Variants in DCT observed in about 807,000 individuals in gnomAD.
DCT encodes the protein L-dopachrome tautomerase.
In DCT, 47 loss-of-function variants were observed where a neutral mutation model predicts 53.0. The ratio of observed to expected loss-of-function variants is 0.89; its 90% CI spans 0.70 to 1.13. The LOEUF (loss-of-function observed/expected upper bound fraction) is 1.13, where lower values mean the gene tolerates loss of function less well. DCT is among the 50% of genes most tolerant of loss of function. The pLI is 0.00. For synonymous variants in DCT, 244 were observed against 237.0 expected (o/e 1.03, Z -0.27); for missense variants, 669 against 637.4 (o/e 1.05, Z -0.53).
chr13:94,508,638 G>A, the DCT span, among the ~76,000 whole-genome samples: 1,465 of 152,306 alleles, frequency 9.6e-3, 22 homozygotes, highest in African/African-American at 0.033. Flanking sequence ...GAATATGAAA[G>A]ACAGTTTTTT....
At chr13:94,533,766 C>T in the DCT span, among the ~76,000 whole-genome samples, 3 of 152,066 alleles carry the variant, frequency 2.0e-5, no homozygotes, top group Admixed American at 6.6e-5. Context: ...GGCAACAGAG[C>T]AAGACTCTGC....
intron 6 of DCT, among the ~76,000 whole-genome samples, chr13:94,451,852 T>C (rs1374651715): frequency 2.6e-5 from 4 of 152,168 alleles, no homozygotes; most frequent in Non-Finnish European, 5.9e-5. Flanking sequence ...AAAGAAAATG[T>C]TGTATTTTGT....
intron 3 of DCT, 90 bp from the exon 4 acceptor site, chr13:94,465,889 C>T (rs1318082281): frequency 1.1e-6 from 1 of 926,956 alleles, no homozygotes; most frequent in Admixed American, 2.9e-5. Flanking sequence ...TGTATCTGAA[C>T]CAAATATCTA....
chr13:94,444,374 T>G (rs776983652), intron 6 of DCT: 1 of 516,934 alleles, frequency 1.9e-6, no homozygotes, highest in Non-Finnish European at 3.9e-6. Flanking sequence ...AGGAATACTC[T>G]TCTGTCTACT....
intron 6 of DCT, among the ~76,000 whole-genome samples, chr13:94,449,396 G>A (rs572667216): frequency 4.3e-4 from 66 of 152,270 alleles, no homozygotes; most frequent in Middle Eastern, 3.4e-3. Context: ...ATATGAGGCC[G>A]GCTGCAAAGA....
Position 94,465,727 on chromosome 13 carries a change from A to C in DCT, c.769T>G (p.Cys257Gly), listed in dbSNP as rs1320325878. 6.2e-7 allele frequency: 1 copy of C among 1,613,286 alleles called. No homozygotes were observed. The highest frequency in any genetic ancestry group is 1.1e-5 in the South Asian group (1 of 91,024). Residue 257 changes from cysteine (C) to glycine (G), a missense_variant, in exon 4 of 8, where the codon TGT becomes GGT. Transcript: ENST00000377028. ...GCTGCCCCAAACAGCTGGTCTGTAC[A>C]CACATCACACTCGTTCCTCCCAGTG... Reference protein sequence around the residue: ...FATGRNECDVCTDQLFGAARP... With the variant: ...FATGRNECDVGTDQLFGAARP...
At chr13:94,455,086 A>G (rs1265432408) in intron 6 of DCT, among the ~76,000 whole-genome samples, 1 of 152,232 alleles carries the variant, frequency 6.6e-6, no homozygotes, top group Non-Finnish European at 1.5e-5. Flanking sequence ...AAATATGACT[A>G]AAGGGAAATC....
chr13:94,525,395 C>A, the DCT span, among the ~76,000 whole-genome samples: 1 of 152,264 alleles, frequency 6.6e-6, no homozygotes, highest in East Asian at 1.9e-4. Flanking sequence ...AGGCACCATG[C>A]GTGGCCAAGG....
At chr13:94,527,193 G>C in the DCT span, among the ~76,000 whole-genome samples, 1 of 152,216 alleles carries the variant, frequency 6.6e-6, no homozygotes, top group African/African-American at 2.4e-5. Flanking sequence ...TCCACCTCTA[G>C]GGGGAGGGCA....
the DCT span, among the ~76,000 whole-genome samples, chr13:94,542,571 T>A: frequency 6.6e-6 from 1 of 152,172 alleles, no homozygotes. Flanking sequence ...TTTCTTCTCT[T>A]AATTCTCATC....
At chr13:94,547,056 A>T in the DCT span, among the ~76,000 whole-genome samples, 1 of 151,944 alleles carries the variant, frequency 6.6e-6, no homozygotes, top group African/African-American at 2.4e-5. Context: ...AGGGCTCTTG[A>T]TCTCTCAATT....
chr13:94,486,636 A>G, the DCT span, among the ~76,000 whole-genome samples: 101 of 152,156 alleles, frequency 6.6e-4, no homozygotes, highest in Non-Finnish European at 1.1e-3. Flanking sequence ...AGGCTTCAGT[A>G]TCCAGGAAAG....
chr13:94,521,653 G>C, the DCT span, among the ~76,000 whole-genome samples: 168 of 152,252 alleles, frequency 1.1e-3, 1 homozygote, highest in African/African-American at 3.7e-3. Flanking sequence ...CTGGGCAACA[G>C]AGTGAGACTC....
chr13:94,530,797 A>G, the DCT span, among the ~76,000 whole-genome samples: 2 of 152,210 alleles, frequency 1.3e-5, no homozygotes, highest in Non-Finnish European at 2.9e-5. Flanking sequence ...CAGGGCAATC[A>G]GGCAGAAGAA....
intron 6 of DCT, among the ~76,000 whole-genome samples, chr13:94,453,188 T>C (rs1414662881): frequency 6.6e-6 from 1 of 152,124 alleles, no homozygotes; most frequent in Non-Finnish European, 1.5e-5. Context: ...GTACCTTATA[T>C]GCAAATATAA....
the DCT span, among the ~76,000 whole-genome samples, chr13:94,515,658 T>G: frequency 4.6e-5 from 7 of 152,112 alleles, no homozygotes; most frequent in Admixed American, 4.6e-4. Context: ...ACAGCTGCTG[T>G]TCAGAAAAAG....
chr13:94,450,081 G>C (rs1882979722), intron 6 of DCT, among the ~76,000 whole-genome samples: 2 of 152,162 alleles, frequency 1.3e-5, no homozygotes. Flanking sequence ...AATGGAATTA[G>C]TGCCCTTACC....
At chr13:94,510,292 G>A in the DCT span, among the ~76,000 whole-genome samples, 1 of 152,124 alleles carries the variant, frequency 6.6e-6, no homozygotes, top group Non-Finnish European at 1.5e-5. Context: ...TGGGTATCGG[G>A]ATATTTAAAC....
At chr13:94,537,634 A>G in the DCT span, among the ~76,000 whole-genome samples, 13 of 139,218 alleles carry the variant, frequency 9.3e-5, no homozygotes, top group Admixed American at 2.7e-4. Context: ...TGCAAGTGAG[A>G]AAAAAAAACA....
Sources: gnomAD v4.1 joint callset for allele counts (sites outside exome capture counted in the v4.1 genomes callset) on GRCh38, gnomAD v4.1.1 for gene constraint, MANE v1.5 for transcripts, NCBI Gene and HGNC (gene_info 2026-07-23, HGNC 2026-07-21) for gene names.